Variants in DRC7 observed in about 807,000 individuals in gnomAD.
DRC7 encodes dynein regulatory complex subunit 7.
A neutral mutation model predicts 104.4 loss-of-function variants in DRC7; 80 were observed. The ratio of observed to expected loss-of-function variants is 0.77; its 90% CI spans 0.64 to 0.92. DRC7 has a LOEUF of 0.92. DRC7 is among the 40% of genes least tolerant of loss of function. DRC7 has a pLI of 0.00. For missense variants in DRC7, 1,034 were observed against 1,141.1 expected (o/e 0.91, Z 1.35); for synonymous variants, 405 against 447.3 (o/e 0.91, Z 1.19).
chr16:57,707,715 C>A, intron 8 of DRC7, 37 bp downstream of exon 8: 1 of 1,575,566 alleles, frequency 6.3e-7, no homozygotes, highest in Non-Finnish European at 8.7e-7. Context: ...GTGTGGCAGG[C>A]ACAGTGCAGG....
chr16:57,719,980 G>T (rs188969317), intron 9 of DRC7, among the ~76,000 whole-genome samples: 1 of 152,278 alleles, frequency 6.6e-6, no homozygotes, highest in East Asian at 1.9e-4. Flanking sequence ...CACTTTCAGG[G>T]CTTAAAACTT....
intron 6 of DRC7, 139 bp from the exon 7 acceptor site, chr16:57,704,737 G>C: frequency 1.1e-6 from 1 of 874,196 alleles, no homozygotes; most frequent in Non-Finnish European, 1.7e-6. Context: ...TGCATTTAGA[G>C]CCAGAAAGGC....
chr16:57,728,715 G>C (rs2049004217), intron 17 of DRC7, 131 bp downstream of exon 17: 1 of 635,746 alleles, frequency 1.6e-6, no homozygotes, highest in Admixed American at 3.9e-5. Flanking sequence ...GTCAATGCTT[G>C]GGGTTTCCAA....
intron 15 of DRC7, 26 bp from the exon 16 acceptor site, chr16:57,727,273 A>T: frequency 6.4e-7 from 1 of 1,569,300 alleles, no homozygotes; most frequent in South Asian, 1.1e-5. Flanking sequence ...TGTCTCCATC[A>T]CGCCCTCCAA....
At position 57,731,081 on chromosome 16, in the gene DRC7, A is replaced by G. The variant is rs2049057476; in HGVS notation, c.2531+11A>G. 5.0e-6 allele frequency: 8 copies of G among 1,613,762 alleles called. No individual in the cohort carries two copies. Among genetic ancestry groups the G allele is most frequent in the Non-Finnish European group, 6.8e-6 (8 of 1,179,950 alleles). On this transcript the variant is annotated intron_variant, in intron 18 of 18. Transcript: ENST00000360716. ...GCAGCGCCTCAATCGGTGAGCAGGC[A>G]GGGCAGGTGGAGAGAACCCACTGGG...
chr16:57,715,815 A>G (rs2067288344), intron 8 of DRC7, among the ~76,000 whole-genome samples: 1 of 152,164 alleles, frequency 6.6e-6, no homozygotes, highest in South Asian at 2.1e-4. Context: ...AGGATGCTAC[A>G]GTCCTTCAGC....
intron 6 of DRC7, among the ~76,000 whole-genome samples, chr16:57,702,426 G>A (rs1308226374): frequency 6.6e-6 from 1 of 152,122 alleles, no homozygotes; most frequent in Non-Finnish European, 1.5e-5. Flanking sequence ...TTTTATGAAT[G>A]CCACATAGCT....
intron 7 of DRC7, 81 bp downstream of exon 7, chr16:57,705,115 G>T: frequency 6.8e-7 from 1 of 1,475,018 alleles, no homozygotes. Context: ...ATAGGTCATG[G>T]AGGGGATGTG....
At chr16:57,727,247 A>C in intron 15 of DRC7, 52 bp from the exon 16 acceptor site, 1 of 1,432,710 alleles carries the variant, frequency 7.0e-7, no homozygotes, top group Non-Finnish European at 9.8e-7. Context: ...CTGGGGTTAC[A>C]GGAGTGGAGG....
In DRC7 at chr16:57,727,292, A is replaced by C. The variant is rs1188034746; in HGVS notation, c.2086-7A>C. 1 of 1,611,954 alleles carries C rather than the reference A, an allele frequency of 6.2e-7. No individual in the cohort carries two copies. The highest frequency in any genetic ancestry group is 1.7e-5 in the Admixed American group (1 of 60,000). On this transcript the variant is annotated splice_region_variant and splice_polypyrimidine_tract_variant and intron_variant, in intron 15 of 18. Transcript: ENST00000360716. ...TCCATCACGCCCTCCAACACTTCTC[A>C]TTTCAGGTGCTGGAGATTCTGAAGC... is the stretch of plus-strand genomic sequence containing the variant.
rs764388758 is a variant in DRC7, at chr16:57,724,782, C to A, written c.1705C>A (p.Arg569=). 6.2e-7 allele frequency: 1 copy of A among 1,613,656 alleles called. No homozygotes were observed. Among genetic ancestry groups the A allele is most frequent in the Non-Finnish European group, 8.5e-7 (1 of 1,180,012 alleles). ...CTACCGCCATGCCAGCTTCGGACCC[C>A]GAGTCAAGAAGCTCACTCTGAGCAG... is the stretch of plus-strand genomic sequence containing the variant. ...LSYRHASFGP[R]VKKLTLSSAE... The change falls in exon 13 of 19, where the codon CGA becomes AGA. Residue 569 remains arginine (R), a synonymous_variant. Transcript: ENST00000360716.
chr16:57,703,000 C>G (rs151225402), intron 6 of DRC7, among the ~76,000 whole-genome samples: 3,557 of 152,056 alleles, frequency 0.023, 100 homozygotes, highest in African/African-American at 0.073. Context: ...CCTCCTGCCT[C>G]AGCCTCCCAA....
At chr16:57,729,073 G>GTGA (rs1567890337) in intron 17 of DRC7, among the ~76,000 whole-genome samples, 3 of 133,030 alleles carry the variant, frequency 2.3e-5, no homozygotes, top group African/African-American at 9.6e-5. Context: ...TGAGTGAGTG[G>GTGA]ATGGATGAGT....
At position 57,707,528 on chromosome 16, in the gene DRC7, G is replaced by A. The variant is rs374551775; in HGVS notation, c.927G>A (p.Ser309=). 73 of 1,613,384 alleles carry A rather than the reference G, an allele frequency of 4.5e-5. No homozygotes were observed. In the East Asian group the frequency reaches 6.0e-4, roughly 13 times the overall value. ...TGCACTCCTGGGTCCTTGTGCTATC[G>A]GGGAAGCGCGAGGTGCCTGAGAACT... The part of the protein sequence containing the change: ...LRVHSWVLVL[S]GKREVPENFF... The change falls in exon 8 of 19, where the codon TCG becomes TCA. Residue 309 remains serine (S), a synonymous_variant. Coordinates refer to ENST00000360716, the MANE Select transcript of DRC7 (RefSeq NM_001289162.2).
chr16:57,705,515 TC>T (rs1458486636), intron 7 of DRC7, among the ~76,000 whole-genome samples: 5 of 140,966 alleles, frequency 3.5e-5, no homozygotes, highest in Non-Finnish European at 7.7e-5. Flanking sequence ...CAACCTTCCA[TC>T]CATCCATCCT....
chr16:57,726,984 G>A, intron 15 of DRC7, 42 bp downstream of exon 15: 1 of 1,253,088 alleles, frequency 8.0e-7, no homozygotes, highest in Non-Finnish European at 1.2e-6. Flanking sequence ...CGGTATCTTT[G>A]TTTTTGAGAT....
intron 7 of DRC7, among the ~76,000 whole-genome samples, chr16:57,706,250 G>T (rs1349251454): frequency 1.9e-4 from 3 of 16,140 alleles, no homozygotes; most frequent in Non-Finnish European, 3.6e-4. Context: ...CCTCCCATCC[G>T]TCCATCCTCC....
chr16:57,727,216 C>T, intron 15 of DRC7, 83 bp from the exon 16 acceptor site: 1 of 1,093,386 alleles, frequency 9.1e-7, no homozygotes, highest in Non-Finnish European at 1.4e-6. Context: ...TGCAATCTGC[C>T]CTCCTTGGCT....
intron 1 of DRC7, among the ~76,000 whole-genome samples, chr16:57,695,690 A>G (rs77257519): frequency 0.093 from 14,161 of 152,280 alleles, 905 homozygotes; most frequent in East Asian, 0.22. Flanking sequence ...TTCCAGCCAG[A>G]TGAGCATTCG....
Sources: allele counts gnomAD v4.1 joint callset (sites outside exome capture counted in the v4.1 genomes callset), GRCh38; gene constraint gnomAD v4.1.1; transcripts MANE v1.5; gene names NCBI Gene and HGNC (gene_info 2026-07-23, HGNC 2026-07-21).